SPEG: variants seen among roughly 807,000 people sequenced by gnomAD.
SPEG encodes the protein striated muscle preferentially expressed protein kinase.
Under a neutral mutation model 300.4 loss-of-function variants are expected in SPEG, and 114 were observed. The observed-to-expected ratio is 0.38, with a 90% CI of 0.33 to 0.44. The LOEUF (loss-of-function observed/expected upper bound fraction) is 0.44. SPEG is among the 20% of genes least tolerant of loss of function. The pLI is 1.00. For synonymous variants in SPEG, 1,964 were observed against 2,018.9 expected (o/e 0.97, Z 0.73); for missense variants, 4,201 against 4,586.2 (o/e 0.92, Z 2.43).
rs1003341649 is a variant in SPEG, at chr2:219,435,327, C to T, written c.350C>T (p.Ala117Val). Residue 117 changes from alanine to valine, a missense_variant, in exon 1 of 41, where the codon GCC becomes GTC. By Grantham distance (64) the Ala-to-Val change is moderately conservative. This residue lies in a region of SPEG where 1,258 missense variants were observed against 1,293.9 expected (regional missense o/e 0.97). Transcript: ENST00000312358. ...ATGGCCCAGAACGAGCGGGGCCGGG[C>T]CTCCTGCGAGGCGGTGCTCACAGTG... is the stretch of plus-strand genomic sequence containing the variant. ...SCMAQNERGR[A>V]SCEAVLTVLE... is the part of the protein sequence containing the mutation. 6.5e-7 allele frequency: 1 copy of T among 1,537,832 alleles called. No individual in the cohort carries two copies. The highest frequency in any genetic ancestry group is 2.2e-4 in the Middle Eastern group (1 of 4,452).
chr2:219,479,310 C>T lies in SPEG; in HGVS notation c.5085+109C>T. On this transcript the variant is annotated intron_variant, in intron 23 of 40. Coordinates refer to ENST00000312358, the MANE Select transcript of SPEG (RefSeq NM_005876.5). This position sits in a 1 kb window ranked among gnomAD's most constrained non-coding sequence, Gnocchi z 5.5. The stretch of plus-strand genomic sequence containing the variant: ...TGTGCCATCTGTGCCCACAGGAAGC[C>T]AGGGGTGGAGGTGGAGAGCACTGTT... The T allele has an allele frequency of 1.1e-6, 1 of 914,742 alleles. No homozygotes were observed. Among genetic ancestry groups the T allele is most frequent in the Non-Finnish European group, 1.7e-6 (1 of 575,038 alleles). The allele number at this position is 914,742 out of a possible 1,614,324, so 56.7% of individuals were successfully genotyped here.
rs1052584006 is a variant in SPEG, at chr2:219,485,081, G to A, written c.7609+9G>A. The A allele has an allele frequency of 2.6e-6, 4 of 1,531,024 alleles. No homozygotes were observed. In the African/African-American group the frequency reaches 4.1e-5, roughly 16 times the overall value. 94.8% of individuals were successfully genotyped at this position (1,531,024 alleles called of 1,614,324 possible). Reference sequence around the variant, plus strand: ...CACGTCGGGCTCCTCAGGTGAGGAGGGGCAGGGGTAGGGCAGCAGGTGCAG... The same window carrying A: ...CACGTCGGGCTCCTCAGGTGAGGAGAGGCAGGGGTAGGGCAGCAGGTGCAG... On this transcript the variant is annotated intron_variant, in intron 30 of 40. Coordinates refer to ENST00000312358, the MANE Select transcript of SPEG (RefSeq NM_005876.5).
intron 3 of SPEG, among the ~76,000 whole-genome samples, chr2:219,446,564 T>C (rs909451692): frequency 6.6e-6 from 1 of 152,148 alleles, no homozygotes; most frequent in Admixed American, 6.5e-5. Context: ...GGGTCTGTCA[T>C]GTGGGTGGCT....
Position 219,435,118 on chromosome 2 carries a change from G to A in SPEG, c.141G>A (p.Arg47=). Residue 47 remains arginine (R), a synonymous_variant, in exon 1 of 41, where the codon CGG becomes CGA. Coordinates refer to ENST00000312358, the MANE Select transcript of SPEG (RefSeq NM_005876.5). ...TGGCCGGGGCGCCAGTCTTCCTGCG[G>A]CCCCTGAAGAACGCGGCGGTGTGCG... ...VAVAGAPVFL[R]PLKNAAVCAG... The A allele has an allele frequency of 6.9e-7, 1 of 1,457,618 alleles. No individual in the cohort carries two copies. The highest frequency in any genetic ancestry group is 9.0e-7 in the Non-Finnish European group (1 of 1,115,672). The allele number at this position is 1,457,618 out of a possible 1,614,324, so 90.3% of individuals were successfully genotyped here.
At chr2:219,471,338 G>A (rs1302837242) in intron 13 of SPEG, among the ~76,000 whole-genome samples, 1 of 152,236 alleles carries the variant, frequency 6.6e-6, no homozygotes, top group East Asian at 1.9e-4. Flanking sequence ...AAGATGCAGA[G>A]GAGCAACAGA....
chr2:219,481,791 A>G lies in SPEG; in HGVS notation c.5565+111A>G, dbSNP rs1463848463. ...GTGCAGTAACCACGTTAGGCATTGT[A>G]TGTACATATGACGTATTAGCCTCAC... On this transcript the variant is annotated intron_variant, in intron 28 of 40. Coordinates refer to ENST00000312358, the MANE Select transcript of SPEG (RefSeq NM_005876.5). The surrounding 1 kb of genome is among the most constrained non-coding windows in gnomAD (Gnocchi z 5.4). 17 of 925,510 alleles carry G rather than the reference A, an allele frequency of 1.8e-5. No homozygotes were observed. The highest frequency in any genetic ancestry group is 2.7e-5 in the Non-Finnish European group (15 of 565,066). The allele number at this position is 925,510 out of a possible 1,614,324, so 57.3% of individuals were successfully genotyped here.
chr2:219,444,878 A>T lies in SPEG; in HGVS notation c.532A>T (p.Thr178Ser). Reference sequence around the variant, plus strand: ...CCTGGACACACCCCCGACCTCCGTGACAGGCACCTCAGAGGAGCAAGTGAG... The same window carrying T: ...CCTGGACACACCCCCGACCTCCGTGTCAGGCACCTCAGAGGAGCAAGTGAG... ...TSLDTPPTSV[T>S]GTSEEQVSWW... Residue 178 changes from threonine to serine, a missense_variant, in exon 3 of 41, where the codon ACA (threonine) becomes TCA (serine). By Grantham distance (58) the Thr-to-Ser change is moderately conservative (BLOSUM62 1). Transcript: ENST00000312358. This position sits in a 1 kb window ranked among gnomAD's most constrained non-coding sequence, Gnocchi z 7.8. 6.4e-7 allele frequency: 1 copy of T among 1,569,144 alleles called. No homozygotes were observed. Among genetic ancestry groups the T allele is most frequent in the African/African-American group, 1.3e-5 (1 of 74,080 alleles).
In SPEG at chr2:219,469,198, G is replaced by A. The variant is rs757589345; in HGVS notation, c.3534G>A (p.Glu1178=). Residue 1178 remains glutamate (E), a synonymous_variant, in exon 13 of 41, where the codon GAG becomes GAA. Transcript: ENST00000312358. Reference sequence around the variant, plus strand: ...TGCCATCCATTCCCGAGGAGCCAGAGCAGGGTGAGCTGGAGCGGCTGTCCA... The same window carrying A: ...TGCCATCCATTCCCGAGGAGCCAGAACAGGGTGAGCTGGAGCGGCTGTCCA... ...EKMPSIPEEP[E]QGELERLSIP... 6.2e-7 allele frequency: 1 copy of A among 1,613,694 alleles called. No individual in the cohort carries two copies.
chr2:219,488,791 G>A lies in SPEG; in HGVS notation c.8040G>A (p.Lys2680=). The A allele has an allele frequency of 6.2e-7, 1 of 1,603,786 alleles. No individual in the cohort carries two copies. The highest frequency in any genetic ancestry group is 8.5e-7 in the Non-Finnish European group (1 of 1,174,386). ...CTVAVARVPG[K]LAPPEVPQTY... ...TTCTCTTGCCAGGAGTCCCAGGAAAGCTAGCTCCTCCAGAGGTACCCCAGA... is the reference window on the plus strand; with the variant it reads ...TTCTCTTGCCAGGAGTCCCAGGAAAACTAGCTCCTCCAGAGGTACCCCAGA... The change falls in exon 34 of 41, where the codon AAG becomes AAA. Residue 2680 remains lysine, a synonymous_variant. Transcript: ENST00000312358.
chr2:219,472,392 C>T, intron 15 of SPEG, 61 bp downstream of exon 15: 2 of 1,446,308 alleles, frequency 1.4e-6, no homozygotes, highest in East Asian at 2.3e-5. Flanking sequence ...CAGGCTCAGG[C>T]AGGACACCAT....
intron 15 of SPEG, 70 bp from the exon 16 acceptor site, chr2:219,472,820 C>T: frequency 7.3e-7 from 1 of 1,362,676 alleles, no homozygotes; most frequent in Non-Finnish European, 1.0e-6. Flanking sequence ...TTCCAGGGTC[C>T]CGGGCCAGCT....
rs961304537 is a variant in SPEG at position 219,439,083 on chromosome 2, G to A, written c.388+3718G>A. Reference sequence around the variant, plus strand: ...GAGTGGGAGCAGAGAGGAGCTCTGGGACCCTCTCCAGGGGAATCCTGAGTG... The same window carrying A: ...GAGTGGGAGCAGAGAGGAGCTCTGGAACCCTCTCCAGGGGAATCCTGAGTG... On this transcript the variant is annotated intron_variant, in intron 1 of 40. Transcript: ENST00000312358. The surrounding 1 kb of genome is among the most constrained non-coding windows in gnomAD (Gnocchi z 4.5). 2.0e-5 allele frequency among the ~76,000 whole-genome samples: 3 copies of A among 152,172 alleles called. No homozygotes were observed. In the South Asian group the frequency reaches 6.2e-4, roughly 31 times the overall value.
At chr2:219,485,584 A>G (rs1693337695) in intron 31 of SPEG, 107 bp downstream of exon 31, 2 of 1,171,106 alleles carry the variant, frequency 1.7e-6, no homozygotes, top group Non-Finnish European at 2.4e-6. Flanking sequence ...TGACAAACCT[A>G]GTGGAAGGGG....
Position 219,479,274 on chromosome 2 carries a change from T to G in SPEG, c.5085+73T>G. 2.2e-6 allele frequency: 3 copies of G among 1,344,486 alleles called. No homozygotes were observed. The South Asian group carries it at 3.6e-5, about 16-fold the overall frequency. The allele number at this position is 1,344,486 out of a possible 1,614,324, so 83.3% of individuals were successfully genotyped here. Reference sequence around the variant, plus strand: ...CACCTGAGCTTTGAGAACCAACAAATGGGTCCTGAGTGTGCCATCTGTGCC... The same window carrying G: ...CACCTGAGCTTTGAGAACCAACAAAGGGGTCCTGAGTGTGCCATCTGTGCC... On this transcript the variant is annotated intron_variant, in intron 23 of 40. Transcript: ENST00000312358. The surrounding 1 kb of genome is among the most constrained non-coding windows in gnomAD (Gnocchi z 5.5).
At chr2:219,441,701 G>A (rs1177452635) in intron 1 of SPEG, 5 of 401,422 alleles carry the variant, frequency 1.2e-5, no homozygotes, top group Admixed American at 2.7e-5. Flanking sequence ...GGGCTCCGGA[G>A]GCAGATGCAG....
chr2:219,480,396 T>TGCGC lies in SPEG; in HGVS notation c.5342+256_5342+257insGCGC, dbSNP rs1692728139. Reference sequence around the variant, plus strand: ...GGAAGCCGGGCCTTCCCCTCAGCATTCAGCCTGCCTCCTCCAGTAAGGCAG... The same window carrying TGCGC: ...GGAAGCCGGGCCTTCCCCTCAGCATTGCGCCAGCCTGCCTCCTCCAGTAAGGCAG... On this transcript the variant is annotated intron_variant, in intron 25 of 40. Transcript: ENST00000312358. The surrounding 1 kb of genome is among the most constrained non-coding windows in gnomAD (Gnocchi z 5.3). 6.6e-6 allele frequency among the ~76,000 whole-genome samples: 1 copy of TGCGC among 151,528 alleles called. No individual in the cohort carries two copies.
rs1265854484 is a variant in SPEG at position 219,440,556 on chromosome 2, TTTTATTTTATTTATTTATTTA to T, written c.389-4089_389-4069del. Among the ~76,000 whole-genome samples, 346 of 140,862 alleles carry T rather than the reference TTTTATTTTATTTATTTATTTA, an allele frequency of 2.5e-3. 1 individual carries two copies. The highest frequency in any genetic ancestry group is 8.8e-3 in the African/African-American group (340 of 38,702). 92.4% of individuals were successfully genotyped at this position (140,862 alleles called of 152,430 possible). On this transcript the variant is annotated intron_variant, in intron 1 of 40. Coordinates refer to ENST00000312358, the MANE Select transcript of SPEG (RefSeq NM_005876.5). ...ACTCATCAGTCTGTCCCTGTATTTATTTTATTTTATTTATTTATTTATTTATTTATTTATTTATTTATTTAT... is the reference window on the plus strand; with the variant it reads ...ACTCATCAGTCTGTCCCTGTATTTATTTTATTTATTTATTTATTTATTTAT...
rs755241448 is a variant in SPEG at position 219,448,390 on chromosome 2, G to A, written c.1232G>A (p.Arg411Gln). Residue 411 changes from arginine (R) to glutamine (Q), a missense_variant, in exon 4 of 41, where the codon CGG becomes CAG. Arg to Gln is a conservative substitution (Grantham distance 43). Coordinates refer to ENST00000312358, the MANE Select transcript of SPEG (RefSeq NM_005876.5). ...AAGCTGCAGTTCTTCGAGGAGCGAC[G>A]GCGCAGCCTGGAGCGCAGCGACTCG... ...LDKLQFFEER[R>Q]RSLERSDSPP... The A allele has an allele frequency of 3.7e-5, 58 of 1,547,256 alleles. No individual in the cohort carries two copies. Among genetic ancestry groups the A allele is most frequent in the Non-Finnish European group, 4.5e-5 (52 of 1,149,648 alleles).
intron 9 of SPEG, chr2:219,466,186 A>T: frequency 1.3e-6 from 2 of 1,490,154 alleles, no homozygotes; most frequent in Non-Finnish European, 8.9e-7. Flanking sequence ...GCCGGCCCGG[A>T]CCCGTCCCAG....
Sources: allele counts gnomAD v4.1 joint callset (sites outside exome capture counted in the v4.1 genomes callset), GRCh38; gene constraint gnomAD v4.1.1; regional missense constraint gnomAD v4.1.1; non-coding constraint Gnocchi (gnomAD v3.1); transcripts MANE v1.5; gene names NCBI Gene and HGNC (gene_info 2026-07-23, HGNC 2026-07-21).